Variants in NIPBL observed in about 807,000 individuals in gnomAD.
NIPBL encodes the protein nipped-B-like protein.
NIPBL carries 19 observed loss-of-function variants against 321.8 expected under a neutral mutation model. That is an observed-to-expected ratio of 0.06 (90% CI 0.04 to 0.09). NIPBL has a LOEUF of 0.09. Among genes scored for constraint, NIPBL ranks in the 10% least tolerant of loss-of-function variants. The probability of loss-of-function intolerance (pLI) is 1.00; values close to 1 mark genes in which losing one functional copy is unlikely to be tolerated. For missense variants in NIPBL, 2,210 were observed against 3,327.0 expected, an observed-to-expected ratio of 0.66 and a Z score of 8.26; for synonymous variants, 1,106 against 1,114.1, an observed-to-expected ratio of 0.99 and a Z score of 0.14.
chr5:37,036,827 A>AT (rs1452752480), intron 33 of NIPBL, among the ~76,000 whole-genome samples: 1 of 151,934 alleles, frequency 6.6e-6, no homozygotes, highest in Admixed American at 6.6e-5. Context: ...CACAAAACTG[A>AT]TATCTCCTAA....
chr5:36,966,832 A>G (rs902147954), intron 6 of NIPBL, among the ~76,000 whole-genome samples: 2 of 152,076 alleles, frequency 1.3e-5, no homozygotes, highest in African/African-American at 4.8e-5. Context: ...AGTGTTCTAG[A>G]TTAATAAGCT....
In NIPBL at chr5:36,984,832, T is replaced by C. The variant is rs768292156; in HGVS notation, c.1652T>C (p.Val551Ala). 1 of 1,613,536 alleles carries C rather than the reference T, an allele frequency of 6.2e-7. No individual in the cohort carries two copies. Among genetic ancestry groups the C allele is most frequent in the Admixed American group, 1.7e-5 (1 of 59,942 alleles). Residue 551 changes from valine to alanine, a missense_variant, in exon 10 of 47, where the codon GTG becomes GCG. Physicochemically the swap from Val to Ala is moderately conservative, Grantham distance 64. Transcript: ENST00000282516. The stretch of plus-strand genomic sequence containing the variant: ...ATTGATCTTCATCAGGCAGGAAGAG[T>C]GGACTCTCAGGCTTCTATAACTCAG... ...VSIDLHQAGR[V>A]DSQASITQDS...
chr5:37,059,215 TA>T (rs765960966), intron 44 of NIPBL, 50 bp downstream of exon 44: 1 of 1,598,172 alleles, frequency 6.3e-7, no homozygotes, highest in East Asian at 2.2e-5. Flanking sequence ...GTTCAAATAA[TA>T]AATATTTGGG....
At chr5:36,974,886 G>A (rs1320944011) in intron 8 of NIPBL, among the ~76,000 whole-genome samples, 2 of 151,960 alleles carry the variant, frequency 1.3e-5, no homozygotes, top group Non-Finnish European at 2.9e-5. Flanking sequence ...TTATAGTTTA[G>A]TGATAAGAAA....
intron 8 of NIPBL, among the ~76,000 whole-genome samples, chr5:36,974,704 G>A (rs1169576053): frequency 6.6e-6 from 1 of 152,000 alleles, no homozygotes; most frequent in Non-Finnish European, 1.5e-5. Flanking sequence ...AAAGTTGTAT[G>A]TTTATATATA....
At position 37,046,065 on chromosome 5, in the gene NIPBL, A is replaced by G. The variant is rs534509746; in HGVS notation, c.6499-44A>G. The G allele has an allele frequency of 1.5e-5, 14 of 960,296 alleles. No individual in the cohort carries two copies. The East Asian group carries it at 2.4e-4, about 16-fold the overall frequency. 59.5% of individuals were successfully genotyped at this position (960,296 alleles called of 1,614,324 possible). ...TTCCTTTATAGTTGAAAATTAATCT[A>G]AGTTACTGTTCATGAACACTTTAAT... On this transcript the variant is annotated intron_variant, in intron 37 of 46. Transcript: ENST00000282516.
In NIPBL at chr5:36,984,689, A is replaced by G; in HGVS notation, c.1509A>G (p.Lys503=). 6.2e-7 allele frequency: 1 copy of G among 1,610,936 alleles called. No homozygotes were observed. The highest frequency in any genetic ancestry group is 1.1e-5 in the South Asian group (1 of 90,394). The change falls in exon 10 of 47, where the codon AAA becomes AAG. Residue 503 remains lysine (K), a synonymous_variant. Coordinates refer to ENST00000282516, the MANE Select transcript of NIPBL (RefSeq NM_133433.4). ...TTTAAATTTCAGATAAGCCTTTGAA[A>G]AAAAGAAAACAAGATTCTTACCCAC... ...KEVQDKDKPL[K]KRKQDSYPQE...
At chr5:36,907,967 CA>C (rs1561372707) in intron 1 of NIPBL, among the ~76,000 whole-genome samples, 3 of 152,098 alleles carry the variant, frequency 2.0e-5, no homozygotes, top group Admixed American at 2.0e-4. Context: ...TGCAGCTAAG[CA>C]GGTATCTATC....
intron 1 of NIPBL, among the ~76,000 whole-genome samples, chr5:36,922,455 A>G (rs2149560364): frequency 6.6e-6 from 1 of 152,286 alleles, no homozygotes; most frequent in Admixed American, 6.5e-5. Context: ...CTTAAGAGCC[A>G]TGAAGAAAAC....
chr5:36,962,411 A>G (rs1210822787), intron 6 of NIPBL, 137 bp downstream of exon 6: 8 of 918,912 alleles, frequency 8.7e-6, no homozygotes, highest in Non-Finnish European at 1.4e-5. Flanking sequence ...TTTTAAAGAT[A>G]TGGCTTAAAT....
rs1221663297 is a variant in NIPBL at position 36,984,748 on chromosome 5, C to T, written c.1568C>T (p.Pro523Leu). ...EAGGATGGNRPASQETGSTGN... is the reference protein window; with the variant it reads ...EAGGATGGNRLASQETGSTGN... ...GGGGGTGCTACAGGAGGTAATAGACCAGCTTCTCAGGAGACGGGTTCTACG... is the reference window on the plus strand; with the variant it reads ...GGGGGTGCTACAGGAGGTAATAGACTAGCTTCTCAGGAGACGGGTTCTACG... Residue 523 changes from proline (P) to leucine (L), a missense_variant, in exon 10 of 47, where the codon CCA becomes CTA. Coordinates refer to ENST00000282516, the MANE Select transcript of NIPBL (RefSeq NM_133433.4). The T allele has an allele frequency of 1.2e-6, 2 of 1,613,346 alleles. No individual in the cohort carries two copies. The highest frequency in any genetic ancestry group is 1.3e-5 in the African/African-American group (1 of 74,822).
chr5:37,015,076 C>T lies in NIPBL; in HGVS notation c.4643+311C>T, dbSNP rs1049564222. On this transcript the variant is annotated intron_variant, in intron 22 of 46. Transcript: ENST00000282516. The stretch of plus-strand genomic sequence containing the variant: ...ATTTTGGAGAATTTTCCTAGTGTAC[C>T]TGAATAGGAAAGTTTGTGAAGAGAT... Among the ~76,000 whole-genome samples, 3 of 150,566 alleles carry T rather than the reference C, an allele frequency of 2.0e-5. No individual in the cohort carries two copies. In the East Asian group the frequency reaches 5.8e-4, roughly 29 times the overall value.
At position 36,883,666 on chromosome 5, in the gene NIPBL, A is replaced by T. The variant is rs74699850; in HGVS notation, c.-80+6488A>T. Among the ~76,000 whole-genome samples the T allele has an allele frequency of 5.3e-4, 81 of 152,092 alleles. 1 individual carries two copies. The highest frequency in any genetic ancestry group is 1.9e-3 in the African/African-American group (81 of 41,556). On this transcript the variant is annotated intron_variant, in intron 1 of 46. Transcript: ENST00000282516. ...AAAATGTCCTTTAATCCTGGTGAGG[A>T]AATACATTACAGAGTTTTCTCAACA...
intron 3 of NIPBL, among the ~76,000 whole-genome samples, chr5:36,956,089 G>C (rs1205641553): frequency 4.0e-5 from 6 of 151,426 alleles, no homozygotes; most frequent in Non-Finnish European, 8.8e-5. Flanking sequence ...AAATTAGCCA[G>C]GCGTGGTGGC....
chr5:36,940,335 G>A (rs1738921991), intron 1 of NIPBL, among the ~76,000 whole-genome samples: 1 of 152,112 alleles, frequency 6.6e-6, no homozygotes, highest in African/African-American at 2.4e-5. Context: ...GAAGTAGCAT[G>A]AGTCAAAATA....
At chr5:37,002,572 C>A in intron 14 of NIPBL, 90 bp from the exon 15 acceptor site, 1 of 875,098 alleles carries the variant, frequency 1.1e-6, no homozygotes, top group South Asian at 1.4e-5. Context: ...GTTTGCATGT[C>A]TAAAAATTTT....
At chr5:36,938,542 A>G (rs928696846) in intron 1 of NIPBL, among the ~76,000 whole-genome samples, 1 of 152,182 alleles carries the variant, frequency 6.6e-6, no homozygotes, top group Non-Finnish European at 1.5e-5. Flanking sequence ...CTAAAAATGT[A>G]AAAACATTTA....
chr5:37,043,356 C>T (rs1429439692), intron 34 of NIPBL, among the ~76,000 whole-genome samples: 4 of 152,014 alleles, frequency 2.6e-5, no homozygotes, highest in East Asian at 1.9e-4. Context: ...GGTGAAACCC[C>T]GTCTCTACTA....
At chr5:36,926,420 G>A (rs928184487) in intron 1 of NIPBL, among the ~76,000 whole-genome samples, 1 of 152,188 alleles carries the variant, frequency 6.6e-6, no homozygotes, top group East Asian at 1.9e-4. Context: ...ACCCATATAA[G>A]TGCCGCCTTG....
Sources: gnomAD v4.1 joint callset for allele counts (sites outside exome capture counted in the v4.1 genomes callset) on GRCh38, gnomAD v4.1.1 for gene constraint, MANE v1.5 for transcripts, NCBI Gene and HGNC (gene_info 2026-07-23, HGNC 2026-07-21) for gene names.